Variants in RNF157 observed in about 807,000 individuals in gnomAD.
RNF157 encodes the protein ring finger protein 157.
RNF157 carries 55 observed loss-of-function variants against 88.3 expected under a neutral mutation model. That is an observed-to-expected ratio of 0.62 (90% CI 0.50 to 0.78). The LOEUF is 0.78. RNF157 is among the 30% of genes least tolerant of loss of function. The pLI, the probability that RNF157 is intolerant of heterozygous loss-of-function variation, is 0.00. For missense variants in RNF157, 788 were observed against 860.8 expected (o/e 0.92, Z 1.06); for synonymous variants, 334 against 341.2 (o/e 0.98, Z 0.23).
rs1373700018 is a variant in RNF157, at chr17:76,195,663, C to A, written c.207+16701G>T. 6.6e-6 allele frequency among the ~76,000 whole-genome samples: 1 copy of A among 152,194 alleles called. No homozygotes were observed. The highest frequency in any genetic ancestry group is 1.9e-4 in the East Asian group (1 of 5,202). On this transcript the variant is annotated intron_variant, in intron 2 of 18. Coordinates refer to ENST00000269391, the MANE Select transcript of RNF157 (RefSeq NM_052916.3). The surrounding 1 kb of genome is among the most constrained non-coding windows in gnomAD (Gnocchi z 4.4). ...TAGAGTGGATAAATTATGGTGTATT[C>A]ACACAATGAAATACTATGCAGCAAT...
intron 18 of RNF157, among the ~76,000 whole-genome samples, chr17:76,149,147 G>A (rs562762414): frequency 5.7e-4 from 87 of 152,090 alleles, no homozygotes; most frequent in Non-Finnish European, 1.1e-3. Flanking sequence ...AGACCCAGAA[G>A]CTTCTTAGGG....
At chr17:76,201,891 T>C (rs1261864838) in intron 2 of RNF157, among the ~76,000 whole-genome samples, 2 of 152,124 alleles carry the variant, frequency 1.3e-5, no homozygotes, top group African/African-American at 4.8e-5. Flanking sequence ...CTACAAGTAA[T>C]GCTACAATAT....
chr17:76,146,487 G>C lies in RNF157; in HGVS notation c.1922-1134C>G. ...TGAGGCTAGGGCGCTCCTGCCTTGG[G>C]CCTCGGCTGCCTCCACTCTCAGGGT... On this transcript the variant is annotated intron_variant, in intron 18 of 18. Transcript: ENST00000269391. This position sits in a 1 kb window ranked among gnomAD's most constrained non-coding sequence, Gnocchi z 4.2. 2 of 985,734 alleles carry C rather than the reference G, an allele frequency of 2.0e-6. No individual in the cohort carries two copies. The highest frequency in any genetic ancestry group is 2.4e-6 in the Non-Finnish European group (2 of 830,182). The allele number at this position is 985,734 out of a possible 1,614,324, so 61.1% of individuals were successfully genotyped here.
intron 12 of RNF157, 58 bp downstream of exon 12, chr17:76,159,277 G>A: frequency 1.4e-6 from 2 of 1,429,970 alleles, no homozygotes; most frequent in African/African-American, 1.4e-5. Context: ...CACCAAGGAG[G>A]GATGAAGCAT....
At chr17:76,220,381 T>C (rs1291078505) in intron 1 of RNF157, among the ~76,000 whole-genome samples, 1 of 103,998 alleles carries the variant, frequency 9.6e-6, no homozygotes, top group Non-Finnish European at 1.8e-5. Flanking sequence ...TTCGTAATGA[T>C]ATCTAAAAAA....
intron 3 of RNF157, among the ~76,000 whole-genome samples, chr17:76,168,464 T>C (rs1055898488): frequency 6.6e-6 from 1 of 151,992 alleles, no homozygotes; most frequent in African/African-American, 2.4e-5. Context: ...TAGTTTCCTA[T>C]GTACTCATCA....
At chr17:76,182,815 ATATCCTATATATCC>A (rs1429227112) in intron 2 of RNF157, among the ~76,000 whole-genome samples, 15 of 126,972 alleles carry the variant, frequency 1.2e-4, no homozygotes, top group African/African-American at 3.4e-4. Flanking sequence ...AGAGAGATAT[ATATCCTATATATCC>A]TATATATGAT....
intron 1 of RNF157, among the ~76,000 whole-genome samples, chr17:76,228,006 T>C (rs1056637319): frequency 4.6e-5 from 7 of 152,244 alleles, no homozygotes; most frequent in African/African-American, 1.7e-4. Context: ...GTTTCCCTAC[T>C]GATAAACATT....
Position 76,155,687 on chromosome 17 carries a change from AG to A in RNF157, c.1572del (p.Ser525ProfsTer69). ...SLAQSVMSMA[S>X]SQISTDTVSS... Reference sequence around the variant, plus strand: ...GAGACGGTGTCAGTGCTGATCTGGGAGGATGCCATGGACATGACAGACTGGG... The same window carrying A: ...GAGACGGTGTCAGTGCTGATCTGGGAGATGCCATGGACATGACAGACTGGG... On this transcript the variant is annotated frameshift_variant, in exon 15 of 19. Coordinates refer to ENST00000269391, the MANE Select transcript of RNF157 (RefSeq NM_052916.3). LOFTEE classifies it high-confidence loss of function. The A allele has an allele frequency of 6.2e-7, 1 of 1,611,158 alleles. No individual in the cohort carries two copies. The highest frequency in any genetic ancestry group is 8.5e-7 in the Non-Finnish European group (1 of 1,178,736).
At chr17:76,147,618 G>A (rs1175125760) in intron 18 of RNF157, 1 of 152,412 alleles carries the variant, frequency 6.6e-6, no homozygotes, top group African/African-American at 2.4e-5. Flanking sequence ...TGTGGTGAGG[G>A]AGATCCGGCA....
At chr17:76,156,359 A>T in intron 13 of RNF157, 38 bp from the exon 14 acceptor site, 1 of 1,613,152 alleles carries the variant, frequency 6.2e-7, no homozygotes, top group African/African-American at 1.3e-5. Context: ...ACATGGAGCA[A>T]GCGCCAGTCA....
At chr17:76,189,917 G>C (rs2069355323) in intron 2 of RNF157, among the ~76,000 whole-genome samples, 1 of 152,194 alleles carries the variant, frequency 6.6e-6, no homozygotes, top group African/African-American at 2.4e-5. Context: ...GAACAGCCAG[G>C]CGCAAGAAGC....
intron 2 of RNF157, among the ~76,000 whole-genome samples, chr17:76,179,119 C>T (rs2069150186): frequency 6.6e-6 from 1 of 152,228 alleles, no homozygotes; most frequent in Non-Finnish European, 1.5e-5. Context: ...CCTGGCCGGG[C>T]ACAGTAGCTC....
At chr17:76,230,286 C>T (rs1487913395) in intron 1 of RNF157, among the ~76,000 whole-genome samples, 7 of 152,138 alleles carry the variant, frequency 4.6e-5, no homozygotes, top group Non-Finnish European at 4.4e-5. Context: ...AGCAACCAGC[C>T]GACATTTAGG....
intron 2 of RNF157, among the ~76,000 whole-genome samples, chr17:76,178,588 C>A (rs1461893737): frequency 6.6e-6 from 1 of 152,234 alleles, no homozygotes; most frequent in East Asian, 1.9e-4. Context: ...CTGTGCAAGG[C>A]ACCACTGGCC....
intron 2 of RNF157, among the ~76,000 whole-genome samples, chr17:76,184,020 T>A (rs2069240899): frequency 6.6e-6 from 1 of 151,896 alleles, no homozygotes; most frequent in Admixed American, 6.6e-5. Flanking sequence ...TGAAACCCCG[T>A]CTCTACTAAA....
chr17:76,235,506 C>T (rs1444821153), intron 1 of RNF157, among the ~76,000 whole-genome samples: 1 of 152,160 alleles, frequency 6.6e-6, no homozygotes, highest in Non-Finnish European at 1.5e-5. Flanking sequence ...CCGTAAATTG[C>T]ATATTTTTAA....
chr17:76,215,111 T>G (rs61244689), intron 1 of RNF157, among the ~76,000 whole-genome samples: 3,894 of 152,188 alleles, frequency 0.026, 190 homozygotes, highest in African/African-American at 0.089. Context: ...ACATTGAGGA[T>G]ATACACAAAC....
chr17:76,199,357 A>G (rs879935108), intron 2 of RNF157, among the ~76,000 whole-genome samples: 1 of 152,136 alleles, frequency 6.6e-6, no homozygotes. Context: ...CACAGGCTCA[A>G]GTGATCCTTC....
Sources: gnomAD v4.1 joint callset for allele counts (sites outside exome capture counted in the v4.1 genomes callset) on GRCh38, gnomAD v4.1.1 for gene constraint, Gnocchi (gnomAD v3.1) non-coding constraint, MANE v1.5 for transcripts, NCBI Gene and HGNC (gene_info 2026-07-23, HGNC 2026-07-21) for gene names.